RORA: variants seen among roughly 807,000 people sequenced by gnomAD.
RORA encodes nuclear receptor ROR-alpha.
Under a neutral mutation model 69.5 loss-of-function variants are expected in RORA, and 7 were observed. The observed-to-expected ratio is 0.10, with a 90% CI of 0.06 to 0.19. The LOEUF is 0.19. Ranked by LOEUF, RORA falls within the 10% of genes least tolerant of loss-of-function variation. The pLI, the probability that RORA is intolerant of heterozygous loss-of-function variation, is 1.00. For synonymous variants in RORA, 261 were observed against 240.8 expected (o/e 1.08, Z -0.78); for missense variants, 457 against 663.0 (o/e 0.69, Z 3.41).
chr15:60,952,305 C>T (rs1893133744), intron 1 of RORA, among the ~76,000 whole-genome samples: 2 of 152,096 alleles, frequency 1.3e-5, no homozygotes, highest in Non-Finnish European at 1.5e-5. Context: ...ATAATAAGAG[C>T]TATCTATGAC....
intron 3 of RORA, among the ~76,000 whole-genome samples, chr15:60,522,818 T>C (rs1178574197): frequency 2.1e-5 from 3 of 143,918 alleles, no homozygotes; most frequent in African/African-American, 7.8e-5. Flanking sequence ...ACACCTGTAA[T>C]CCCAGCGCTT....
At chr15:60,878,071 C>T (rs1470315324) in intron 1 of RORA, among the ~76,000 whole-genome samples, 2 of 150,876 alleles carry the variant, frequency 1.3e-5, no homozygotes, top group African/African-American at 4.9e-5. Flanking sequence ...GTGGCTCACA[C>T]CTGTAATCAC....
At chr15:60,555,996 C>T (rs969098383) in intron 2 of RORA, among the ~76,000 whole-genome samples, 2 of 152,136 alleles carry the variant, frequency 1.3e-5, no homozygotes, top group Non-Finnish European at 2.9e-5. Context: ...TCTCAAAACA[C>T]CCATCTGTGC....
intron 2 of RORA, among the ~76,000 whole-genome samples, chr15:60,596,741 T>C (rs2068674552): frequency 6.6e-6 from 1 of 152,180 alleles, no homozygotes; most frequent in Non-Finnish European, 1.5e-5. Flanking sequence ...TTAATGTGGT[T>C]TATCTGCCTT....
chr15:60,511,503 C>T lies in RORA; in HGVS notation c.543G>A (p.Pro181=), dbSNP rs202109768. The T allele has an allele frequency of 3.1e-6, 5 of 1,614,162 alleles. No individual in the cohort carries two copies. The highest frequency in any genetic ancestry group is 3.4e-6 in the Non-Finnish European group (4 of 1,180,028). ...CCGAGATGTTGTAGGTGGGCGTCAG[C>T]GGCTCAGCCTCTCCAGGCTGCTGCT... ...DHQQQPGEAE[P]LTPTYNISAN... The change falls in exon 5 of 11, where the codon CCG becomes CCA. Residue 181 remains proline, a synonymous_variant. Transcript: ENST00000335670. This position sits in a 1 kb window ranked among gnomAD's most constrained non-coding sequence, Gnocchi z 6.4.
At chr15:61,044,609 C>T (rs1464833666) in intron 1 of RORA, among the ~76,000 whole-genome samples, 1 of 152,190 alleles carries the variant, frequency 6.6e-6, no homozygotes, top group Non-Finnish European at 1.5e-5. Flanking sequence ...ATTAATTCCA[C>T]CTTTTTCTTT....
chr15:60,779,791 A>G (rs1051984408), intron 1 of RORA, among the ~76,000 whole-genome samples: 1 of 152,222 alleles, frequency 6.6e-6, no homozygotes, highest in African/African-American at 2.4e-5. Flanking sequence ...ACTGATAAGC[A>G]CTGATATTCT....
intron 2 of RORA, among the ~76,000 whole-genome samples, chr15:60,651,672 G>A (rs1374447605): frequency 6.6e-6 from 1 of 152,160 alleles, no homozygotes; most frequent in African/African-American, 2.4e-5. Context: ...GCTTCTGGGA[G>A]CATTCCCACA....
At chr15:60,504,440 G>A (rs2065431947) in intron 6 of RORA, among the ~76,000 whole-genome samples, 1 of 152,028 alleles carries the variant, frequency 6.6e-6, no homozygotes, top group South Asian at 2.1e-4. Context: ...CCAGCTACTT[G>A]GGAAGCTGAG....
chr15:60,935,696 T>C (rs1566915496), intron 1 of RORA, among the ~76,000 whole-genome samples: 1 of 152,218 alleles, frequency 6.6e-6, no homozygotes. Flanking sequence ...AAACACACCA[T>C]ACATAAAGTT....
intron 1 of RORA, among the ~76,000 whole-genome samples, chr15:61,026,439 T>A (rs1204795135): frequency 6.6e-6 from 1 of 152,226 alleles, no homozygotes; most frequent in African/African-American, 2.4e-5. Flanking sequence ...AAAGGAATCA[T>A]GAAAATGTGT....
chr15:61,100,554 A>G (rs1232227445), intron 1 of RORA, among the ~76,000 whole-genome samples: 2 of 152,176 alleles, frequency 1.3e-5, no homozygotes, highest in Non-Finnish European at 2.9e-5. Context: ...CTGTGGCTAG[A>G]GAGGTCTCAC....
chr15:60,886,868 G>C (rs1441811921), intron 1 of RORA, among the ~76,000 whole-genome samples: 1 of 152,172 alleles, frequency 6.6e-6, no homozygotes, highest in Non-Finnish European at 1.5e-5. Context: ...TTGTGGCATA[G>C]ACTTGGAAGA....
intron 1 of RORA, among the ~76,000 whole-genome samples, chr15:60,829,460 G>A (rs561828293): frequency 2.0e-5 from 3 of 152,260 alleles, no homozygotes; most frequent in African/African-American, 4.8e-5. Context: ...CCAAAAAATA[G>A]TTGTCTGGCC....
chr15:60,546,826 T>G (rs1356657883), intron 2 of RORA, among the ~76,000 whole-genome samples: 1 of 152,194 alleles, frequency 6.6e-6, no homozygotes, highest in Non-Finnish European at 1.5e-5. Context: ...TCTGAACTGG[T>G]GGCTGAAGTC....
chr15:60,695,587 C>A (rs2070891599), intron 1 of RORA, among the ~76,000 whole-genome samples: 2 of 152,060 alleles, frequency 1.3e-5, no homozygotes, highest in South Asian at 2.1e-4. Flanking sequence ...AAAACCCGTG[C>A]CTCAGTTTCC....
At chr15:61,218,674 TCACACACACACACACACA>T (rs3054672) in intron 1 of RORA, among the ~76,000 whole-genome samples, 13 of 142,840 alleles carry the variant, frequency 9.1e-5, no homozygotes, top group Admixed American at 1.4e-4. Context: ...CTAATATAAC[TCACACACACACACACACA>T]CACACACACA....
At chr15:61,065,231 A>G (rs886327560) in intron 1 of RORA, among the ~76,000 whole-genome samples, 3 of 152,212 alleles carry the variant, frequency 2.0e-5, no homozygotes, top group African/African-American at 7.2e-5. Context: ...CAAATGTACT[A>G]TAACTGTTTG....
intron 1 of RORA, among the ~76,000 whole-genome samples, chr15:60,833,820 T>G (rs1438487389): frequency 6.6e-6 from 1 of 152,236 alleles, no homozygotes; most frequent in Non-Finnish European, 1.5e-5. Flanking sequence ...TTAGAAGATC[T>G]GGACTGAAGT....
Sources: allele counts gnomAD v4.1 joint callset (sites outside exome capture counted in the v4.1 genomes callset), GRCh38; gene constraint gnomAD v4.1.1; non-coding constraint Gnocchi (gnomAD v3.1); transcripts MANE v1.5; gene names NCBI Gene and HGNC (gene_info 2026-07-23, HGNC 2026-07-21).